The following NR1I2 variants were observed in gnomAD, a reference collection of about 807,000 sequenced individuals.
The protein encoded by NR1I2 is nuclear receptor subfamily 1 group I member 2, also known as orphan nuclear receptor PAR1.
A neutral mutation model predicts 43.3 loss-of-function variants in NR1I2; 42 were observed. The ratio of observed to expected loss-of-function variants is 0.97; its 90% CI spans 0.76 to 1.26. NR1I2 has a LOEUF of 1.26. NR1I2 is among the 50% of genes most tolerant of loss of function. NR1I2 has a pLI of 0.00. For synonymous variants in NR1I2, 229 were observed against 215.0 expected (o/e 1.06, Z -0.57); for missense variants, 559 against 566.7 (o/e 0.99, Z 0.14).
chr3:119,818,159 T>G lies in NR1I2; in HGVS notation c.*947T>G, dbSNP rs2055355896. 1.0e-6 allele frequency: 1 copy of G among 985,646 alleles called. No individual in the cohort carries two copies. Among genetic ancestry groups the G allele is most frequent in the Non-Finnish European group, 1.2e-6 (1 of 830,046 alleles). 61.1% of individuals were successfully genotyped at this position (985,646 alleles called of 1,614,324 possible). The stretch of plus-strand genomic sequence containing the variant: ...GTGATTTGGTGTAGGTAGGTCTGTT[T>G]GCCACTTGATGGGGCCTGGGTTTGT... On this transcript the variant is annotated 3_prime_UTR_variant, in exon 9 of 9. Coordinates refer to ENST00000393716, the MANE Select transcript of NR1I2 (RefSeq NM_003889.4).
intron 1 of NR1I2, among the ~76,000 whole-genome samples, chr3:119,795,569 T>C (rs916593601): frequency 6.6e-6 from 1 of 152,114 alleles, no homozygotes; most frequent in African/African-American, 2.4e-5. Context: ...CTTCCTCATC[T>C]CCTAATGCTG....
intron 1 of NR1I2, among the ~76,000 whole-genome samples, chr3:119,799,296 A>G (rs2055043989): frequency 6.6e-6 from 1 of 152,196 alleles, no homozygotes; most frequent in South Asian, 2.1e-4. Context: ...ATTCTTGAGT[A>G]TATTTTCACA....
At position 119,789,342 on chromosome 3, in the gene NR1I2, G is replaced by T. The variant is rs2054886482; in HGVS notation, c.-23+7042G>T. Among the ~76,000 whole-genome samples, 4 of 151,952 alleles carry T rather than the reference G, an allele frequency of 2.6e-5. No individual in the cohort carries two copies. The South Asian group carries it at 8.3e-4, about 32-fold the overall frequency. On this transcript the variant is annotated intron_variant, in intron 1 of 8. Transcript: ENST00000393716. ...CTGGGTAAATTACAAAGAAAAAAAG[G>T]TTCAATGGACTCACAGTTCCATGTG... is the stretch of plus-strand genomic sequence containing the variant.
chr3:119,807,255 A>G lies in NR1I2; in HGVS notation c.5A>G (p.Glu2Gly), dbSNP rs1269667069. ...CCAAGAGGCCCAGAAGCAAACCTGG[A>G]GGTGAGACCCAAAGAAAGCTGGAAC... Residue 2 changes from glutamate (E) to glycine (G), a missense_variant, in exon 2 of 9, where the codon GAG (glutamate) becomes GGG (glycine). Physicochemically the swap from Glu to Gly is moderately conservative, Grantham distance 98. This residue lies in a region of NR1I2 where 232 missense variants were observed against 236.6 expected (regional missense o/e 0.98). Transcript: ENST00000393716. 52 of 1,614,056 alleles carry G rather than the reference A, an allele frequency of 3.2e-5. No individual in the cohort carries two copies. In the Admixed American group the frequency reaches 8.7e-4, roughly 27 times the overall value.
At chr3:119,815,948 C>G (rs1237416617) in intron 8 of NR1I2, 117 bp downstream of exon 8, 2 of 822,516 alleles carry the variant, frequency 2.4e-6, no homozygotes, top group Admixed American at 4.0e-5. Context: ...CCAGCCAGAC[C>G]AGGTCCAAAG....
chr3:119,817,694 G>T lies in NR1I2; in HGVS notation c.*482G>T. 1 of 1,111,116 alleles carries T rather than the reference G, an allele frequency of 9.0e-7. No individual in the cohort carries two copies. The highest frequency in any genetic ancestry group is 1.1e-6 in the Non-Finnish European group (1 of 902,264). The allele number at this position is 1,111,116 out of a possible 1,614,324, so 68.8% of individuals were successfully genotyped here. Reference sequence around the variant, plus strand: ...TTCCCACTCGTTCCCCTCCTCTTCCGAGCTGCTTTGTGGGCTCCAGGCCTG... The same window carrying T: ...TTCCCACTCGTTCCCCTCCTCTTCCTAGCTGCTTTGTGGGCTCCAGGCCTG... On this transcript the variant is annotated 3_prime_UTR_variant, in exon 9 of 9. Coordinates refer to ENST00000393716, the MANE Select transcript of NR1I2 (RefSeq NM_003889.4).
chr3:119,786,653 G>A (rs2054847072), intron 1 of NR1I2, among the ~76,000 whole-genome samples: 1 of 152,184 alleles, frequency 6.6e-6, no homozygotes, highest in African/African-American at 2.4e-5. Flanking sequence ...CTGGGCTGGT[G>A]CCAGCTCTCA....
chr3:119,813,755 C>T (rs1559791096), intron 5 of NR1I2, among the ~76,000 whole-genome samples: 1 of 151,844 alleles, frequency 6.6e-6, no homozygotes, highest in Non-Finnish European at 1.5e-5. Context: ...GAATGGGGTT[C>T]AGATGGTAGC....
At chr3:119,812,393 A>G (rs1577285148) in intron 4 of NR1I2, among the ~76,000 whole-genome samples, 1 of 152,116 alleles carries the variant, frequency 6.6e-6, no homozygotes, top group Non-Finnish European at 1.5e-5. Context: ...ATGACACACC[A>G]TGGTTGCAGT....
chr3:119,794,817 C>T (rs945647830), intron 1 of NR1I2, among the ~76,000 whole-genome samples: 19 of 152,098 alleles, frequency 1.2e-4, no homozygotes, highest in African/African-American at 2.7e-4. Context: ...CCATGCCTTG[C>T]GGTCCCAGCT....
At chr3:119,796,821 A>T (rs1164639501) in intron 1 of NR1I2, among the ~76,000 whole-genome samples, 3 of 152,194 alleles carry the variant, frequency 2.0e-5, no homozygotes. Context: ...CCCCTGCAGC[A>T]GTGCACTCTC....
rs145397115 is a variant in NR1I2 at position 119,807,558 on chromosome 3, A to T, written c.197+111A>T. 8.4e-4 allele frequency: 738 copies of T among 883,252 alleles called. 7 individuals carry two copies. The East Asian group carries it at 0.016, about 19-fold the overall frequency. The allele number at this position is 883,252 out of a possible 1,614,324, so 54.7% of individuals were successfully genotyped here. A position where few individuals can be genotyped will look rare whatever the true frequency, so the allele number is the denominator to read the frequency against. On this transcript the variant is annotated intron_variant, in intron 2 of 8. Coordinates refer to ENST00000393716, the MANE Select transcript of NR1I2 (RefSeq NM_003889.4). ...GGTTCAGAGTGTGGGCTGGTGGCCC[A>T]CCCAAAGGCCTTGTAATTAGTCTCA... is the stretch of plus-strand genomic sequence containing the variant.
At chr3:119,811,827 C>T in intron 4 of NR1I2, 101 bp downstream of exon 4, 1 of 1,118,776 alleles carries the variant, frequency 8.9e-7, no homozygotes, top group Non-Finnish European at 1.3e-6. Context: ...AAGGTCACAG[C>T]TAATCAGTGG....
chr3:119,810,299 C>A, intron 3 of NR1I2, 105 bp downstream of exon 3: 1 of 1,468,894 alleles, frequency 6.8e-7, no homozygotes, highest in Non-Finnish European at 9.1e-7. Flanking sequence ...GCCGAGTGTG[C>A]GCGTGAACAC....
chr3:119,787,655 ATATGTG>A lies in NR1I2; in HGVS notation c.-23+5357_-23+5362del, dbSNP rs1362140742. ...TATCCTCTGGCCAGTTCTGCTATTA[ATATGTG>A]TGTGTGTGTGTGTGTGTGTGTGTGT... On this transcript the variant is annotated intron_variant, in intron 1 of 8. Transcript: ENST00000393716. Among the ~76,000 whole-genome samples, 21 of 79,556 alleles carry A rather than the reference ATATGTG, an allele frequency of 2.6e-4. 1 individual carries two copies. The East Asian group carries it at 4.5e-3, about 17-fold the overall frequency. The allele number at this position is 79,556 out of a possible 152,430, so 52.2% of individuals were successfully genotyped here. A position where few individuals can be genotyped will look rare whatever the true frequency, so the allele number is the denominator to read the frequency against.
chr3:119,787,149 G>A (rs551112226), intron 1 of NR1I2, among the ~76,000 whole-genome samples: 144 of 152,056 alleles, frequency 9.5e-4, no homozygotes, highest in African/African-American at 3.4e-3. Context: ...TAATCCAGGT[G>A]TGGTGGCACA....
At chr3:119,815,572 G>T in intron 7 of NR1I2, 133 bp downstream of exon 7, 1 of 1,005,622 alleles carries the variant, frequency 9.9e-7, no homozygotes, top group East Asian at 2.5e-5. Flanking sequence ...TTTCTCCTGG[G>T]GTCAGTGGGT....
rs1002627766 is a variant in NR1I2 at position 119,815,556 on chromosome 3, C to T, written c.1054+117C>T. 3.0e-5 allele frequency: 32 copies of T among 1,060,106 alleles called. 1 individual carries two copies. Among genetic ancestry groups the T allele is most frequent in the Admixed American group, 2.0e-4 (11 of 54,324 alleles). 65.7% of individuals were successfully genotyped at this position (1,060,106 alleles called of 1,614,324 possible). On this transcript the variant is annotated intron_variant, in intron 7 of 8. Coordinates refer to ENST00000393716, the MANE Select transcript of NR1I2 (RefSeq NM_003889.4). The stretch of plus-strand genomic sequence containing the variant: ...ACTGCGCAGCCAGGATGGGGGCTCT[C>T]GCTGGTTTCTCCTGGGGTCAGTGGG...
At chr3:119,797,881 A>G (rs2055022397) in intron 1 of NR1I2, among the ~76,000 whole-genome samples, 1 of 152,166 alleles carries the variant, frequency 6.6e-6, no homozygotes, top group African/African-American at 2.4e-5. Context: ...CTATTGGTCA[A>G]ATTCTTGGAT....
Sources: allele counts gnomAD v4.1 joint callset (sites outside exome capture counted in the v4.1 genomes callset), GRCh38; gene constraint gnomAD v4.1.1; regional missense constraint gnomAD v4.1.1; transcripts MANE v1.5; gene names NCBI Gene and HGNC (gene_info 2026-07-23, HGNC 2026-07-21).